The following MGAT3 variants were observed in gnomAD, a reference collection of about 807,000 sequenced individuals.
MGAT3 encodes the protein beta-1,4-mannosyl-glycoprotein 4-beta-N-acetylglucosaminyltransferase.
A neutral mutation model predicts 29.8 loss-of-function variants in MGAT3; 9 were observed. The observed-to-expected ratio is 0.30, with a 90% CI of 0.18 to 0.53. The LOEUF (loss-of-function observed/expected upper bound fraction) is 0.53. Ranked by LOEUF, MGAT3 falls within the 20% of genes least tolerant of loss-of-function variation. The probability of loss-of-function intolerance (pLI) is 0.96; values close to 1 mark genes in which losing one functional copy is unlikely to be tolerated. For missense variants in MGAT3, 557 were observed against 769.5 expected (o/e 0.72, Z 3.27); for synonymous variants, 397 against 348.9 (o/e 1.14, Z -1.54).
intron 1 of MGAT3, among the ~76,000 whole-genome samples, chr22:39,485,078 T>G (rs1929233421): frequency 6.6e-6 from 1 of 152,194 alleles, no homozygotes; most frequent in South Asian, 2.1e-4. Context: ...GGGAACATTT[T>G]AAGAATATCT....
chr22:39,459,836 G>A (rs1266078536), intron 1 of MGAT3, among the ~76,000 whole-genome samples: 1 of 152,226 alleles, frequency 6.6e-6, no homozygotes, highest in East Asian at 1.9e-4. Flanking sequence ...CACCTGAGCA[G>A]CACTCAAGAG....
chr22:39,479,590 G>C (rs760713), intron 1 of MGAT3, among the ~76,000 whole-genome samples: 84,597 of 152,158 alleles, frequency 0.56, 24,215 homozygotes, highest in East Asian at 0.99. Context: ...CTTCTGGTGT[G>C]TCCCCACCCA....
intron 1 of MGAT3, among the ~76,000 whole-genome samples, chr22:39,473,045 C>T (rs1928855173): frequency 6.6e-6 from 1 of 152,114 alleles, no homozygotes; most frequent in Middle Eastern, 3.2e-3. Context: ...CACTGAACTT[C>T]GGTTTTCTCC....
chr22:39,480,944 C>G (rs1929106886), intron 1 of MGAT3, among the ~76,000 whole-genome samples: 1 of 152,166 alleles, frequency 6.6e-6, no homozygotes, highest in Non-Finnish European at 1.5e-5. Context: ...CTGGGCAGTT[C>G]AGTGTGGCCT....
At chr22:39,467,433 C>A (rs1236275099) in intron 1 of MGAT3, among the ~76,000 whole-genome samples, 1 of 152,172 alleles carries the variant, frequency 6.6e-6, no homozygotes, top group Non-Finnish European at 1.5e-5. Flanking sequence ...ACTGGGCCTT[C>A]TCGCTTTGGG....
At chr22:39,481,816 G>A (rs79941757) in intron 1 of MGAT3, among the ~76,000 whole-genome samples, 3,024 of 152,232 alleles carry the variant, frequency 0.02, 69 homozygotes, top group Non-Finnish European at 0.026. Context: ...CCCTGGCCTC[G>A]GTTTCCTTAT....
chr22:39,465,333 G>A (rs991160714), intron 1 of MGAT3, among the ~76,000 whole-genome samples: 2 of 152,160 alleles, frequency 1.3e-5, no homozygotes, highest in African/African-American at 4.8e-5. Flanking sequence ...AAAAATGGGT[G>A]GGTTCAGCTG....
chr22:39,471,140 G>A (rs1026275667), intron 1 of MGAT3, among the ~76,000 whole-genome samples: 5 of 152,194 alleles, frequency 3.3e-5, no homozygotes, highest in African/African-American at 1.2e-4. Context: ...CACATCTCTG[G>A]GAGCCCTGGG....
Position 39,488,997 on chromosome 22 carries a change from C to A in MGAT3, c.*48C>A, listed in dbSNP as rs1401899671. On this transcript the variant is annotated 3_prime_UTR_variant, in exon 2 of 2. Coordinates refer to ENST00000341184, the MANE Select transcript of MGAT3 (RefSeq NM_002409.5). ...TGTGACAGGGCGGGGGTGGCGGCGGCCCCTAGCGCTATCTCCCTGCCTCCT... is the reference window on the plus strand; with the variant it reads ...TGTGACAGGGCGGGGGTGGCGGCGGACCCTAGCGCTATCTCCCTGCCTCCT... 3 of 1,536,970 alleles carry A rather than the reference C, an allele frequency of 2.0e-6. No individual in the cohort carries two copies.
chr22:39,458,395 C>A (rs1318758817), intron 1 of MGAT3, among the ~76,000 whole-genome samples: 3 of 152,146 alleles, frequency 2.0e-5, no homozygotes, highest in African/African-American at 7.2e-5. Flanking sequence ...CACACTACCC[C>A]AGTGGGATTC....
At chr22:39,482,001 G>T (rs1416006657) in intron 1 of MGAT3, among the ~76,000 whole-genome samples, 1 of 152,152 alleles carries the variant, frequency 6.6e-6, no homozygotes, top group Non-Finnish European at 1.5e-5. Flanking sequence ...GCCCAGGCTG[G>T]AGTGCAGAAT....
Position 39,488,568 on chromosome 22 carries a change from G to T in MGAT3, c.1221G>T (p.Ser407=). Residue 407 remains serine (S), a synonymous_variant, in exon 2 of 2, where the codon TCG becomes TCT. Transcript: ENST00000341184. ...NRTGHILVQW[S]LGSPLHFAGW... ...CCGGCCACATCCTGGTGCAGTGGTC[G>T]CTGGGCAGCCCCCTGCACTTCGCCG... 1 of 1,613,172 alleles carries T rather than the reference G, an allele frequency of 6.2e-7. No homozygotes were observed. Among genetic ancestry groups the T allele is most frequent in the Non-Finnish European group, 8.5e-7 (1 of 1,180,022 alleles).
chr22:39,475,870 C>G (rs574091565), intron 1 of MGAT3: 3 of 152,352 alleles, frequency 2.0e-5, no homozygotes, highest in African/African-American at 7.2e-5. Flanking sequence ...CAACTACTCA[C>G]GAGGCTGAGA....
At position 39,490,436 on chromosome 22, in the gene MGAT3, G is replaced by A. The variant is rs1929422220; in HGVS notation, c.*1487G>A. On this transcript the variant is annotated 3_prime_UTR_variant, in exon 2 of 2. Transcript: ENST00000341184. ...GCCTCACCTTGGGAGTTATCTTATT[G>A]ATGGAGGAGAAGAGAATGGATATGG... 1 of 167,078 alleles carries A rather than the reference G, an allele frequency of 6.0e-6. No individual in the cohort carries two copies. Among genetic ancestry groups the A allele is most frequent in the Non-Finnish European group, 1.5e-5 (1 of 68,132 alleles). 10.3% of individuals were successfully genotyped at this position (167,078 alleles called of 1,614,324 possible). A position where few individuals can be genotyped will look rare whatever the true frequency, so the allele number is the denominator to read the frequency against.
chr22:39,465,126 C>T (rs1396826831), intron 1 of MGAT3, among the ~76,000 whole-genome samples: 1 of 152,214 alleles, frequency 6.6e-6, no homozygotes, highest in Non-Finnish European at 1.5e-5. Flanking sequence ...TTGCTCTCCC[C>T]AGCTCCTGCT....
intron 1 of MGAT3, among the ~76,000 whole-genome samples, chr22:39,464,260 C>T (rs116398043): frequency 0.022 from 3,312 of 152,222 alleles, 107 homozygotes; most frequent in African/African-American, 0.076. Context: ...ATCTTGCTAC[C>T]TGGGGCCTGG....
intron 1 of MGAT3, among the ~76,000 whole-genome samples, chr22:39,466,195 A>C (rs2087134195): frequency 6.6e-6 from 1 of 152,174 alleles, no homozygotes; most frequent in Admixed American, 6.5e-5. Context: ...GTTGTATTCT[A>C]ACAGCGGGAA....
intron 1 of MGAT3, among the ~76,000 whole-genome samples, chr22:39,459,154 A>G (rs1928430643): frequency 6.6e-6 from 1 of 150,640 alleles, no homozygotes; most frequent in African/African-American, 2.4e-5. Flanking sequence ...GCTCACTGCA[A>G]CCTCTACCTC....
chr22:39,487,995 C>T lies in MGAT3; in HGVS notation c.648C>T (p.His216=), dbSNP rs759173856. ...TCATCAACGCCATCAACGTCAACCA[C>T]GAGTTCGACCTGCTGGACGTGCGCT... is the stretch of plus-strand genomic sequence containing the variant. ...RRVINAINVN[H]EFDLLDVRFH... The change falls in exon 2 of 2, where the codon CAC becomes CAT. Residue 216 remains histidine, a synonymous_variant. Transcript: ENST00000341184. This position sits in a 1 kb window ranked among gnomAD's most constrained non-coding sequence, Gnocchi z 5.7. 4 of 1,612,958 alleles carry T rather than the reference C, an allele frequency of 2.5e-6. No individual in the cohort carries two copies. Among genetic ancestry groups the T allele is most frequent in the South Asian group, 1.1e-5 (1 of 91,084 alleles).
Sources: allele counts gnomAD v4.1 joint callset (sites outside exome capture counted in the v4.1 genomes callset), GRCh38; gene constraint gnomAD v4.1.1; non-coding constraint Gnocchi (gnomAD v3.1); transcripts MANE v1.5; gene names NCBI Gene and HGNC (gene_info 2026-07-23, HGNC 2026-07-21).